Variants in MTG2 observed in about 807,000 individuals in gnomAD.
MTG2 encodes the protein mitochondrial ribosome-associated GTPase 2.
In MTG2, 23 loss-of-function variants were observed where a neutral mutation model predicts 28.6. The ratio of observed to expected loss-of-function variants is 0.80; its 90% CI spans 0.58 to 1.14. The LOEUF (loss-of-function observed/expected upper bound fraction) is 1.14, where lower values mean the gene tolerates loss of function less well. Ranked by LOEUF, MTG2 falls within the 50% of genes most tolerant of loss-of-function variation. MTG2 has a pLI of 0.00. For synonymous variants in MTG2, 260 were observed against 251.8 expected, an observed-to-expected ratio of 1.03 and a Z score of -0.31; for missense variants, 539 against 552.0, an observed-to-expected ratio of 0.98 and a Z score of 0.24.
intron 1 of MTG2, among the ~76,000 whole-genome samples, chr20:62,189,390 G>C (rs578143592): frequency 6.6e-6 from 1 of 151,958 alleles, no homozygotes; most frequent in Middle Eastern, 3.2e-3. Context: ...GCTCATAGCA[G>C]CTTTGAATTC....
At chr20:62,193,354 A>T in intron 1 of MTG2, 62 bp from the exon 2 acceptor site, 1 of 1,507,658 alleles carries the variant, frequency 6.6e-7, no homozygotes, top group East Asian at 2.3e-5. Context: ...CCTCGTCTTC[A>T]GTTTCTGTTT....
intron 1 of MTG2, among the ~76,000 whole-genome samples, chr20:62,185,831 G>T (rs1222689320): frequency 6.6e-6 from 1 of 152,184 alleles, no homozygotes; most frequent in Non-Finnish European, 1.5e-5. Flanking sequence ...GGACAGCCTT[G>T]TTGGAAGGAA....
At chr20:62,188,122 C>G (rs1271035321) in intron 1 of MTG2, among the ~76,000 whole-genome samples, 1 of 117,752 alleles carries the variant, frequency 8.5e-6, no homozygotes, top group Non-Finnish European at 1.8e-5. Context: ...CAGTGCGAGA[C>G]TGTCTCAAAA....
At chr20:62,197,697 T>C (rs115118032) in intron 3 of MTG2, 155 bp from the exon 4 acceptor site, 2 of 607,390 alleles carry the variant, frequency 3.3e-6, no homozygotes, top group Non-Finnish European at 5.8e-6. Flanking sequence ...ATTTCATTTT[T>C]AAAAAATCAC....
intron 2 of MTG2, among the ~76,000 whole-genome samples, 165 bp from the exon 3 acceptor site, chr20:62,195,637 G>A (rs941301064): frequency 2.0e-5 from 3 of 152,186 alleles, no homozygotes; most frequent in Non-Finnish European, 4.4e-5. Context: ...TGTGGAGACT[G>A]TTTTTTATCT....
At chr20:62,197,577 G>A (rs1398201987) in intron 3 of MTG2, 1 of 359,702 alleles carries the variant, frequency 2.8e-6, no homozygotes, top group Non-Finnish European at 5.3e-6. Context: ...TAGACGCATA[G>A]CGAGCTGGGA....
Position 62,195,856 on chromosome 20 carries a change from G to A in MTG2, c.259G>A (p.Ala87Thr), listed in dbSNP as rs751609653. 15 of 1,614,200 alleles carry A rather than the reference G, an allele frequency of 9.3e-6. No homozygotes were observed. The highest frequency in any genetic ancestry group is 1.7e-5 in the Admixed American group (1 of 60,020). Residue 87 changes from alanine to threonine, a missense_variant, in exon 3 of 7, where the codon GCT becomes ACT. Transcript: ENST00000370823. The stretch of plus-strand genomic sequence containing the variant: ...GCTTGTCTGTGGAGGAAACGGAGGC[G>A]CTGGGGCAAGCTGCTTCCACAGTGA... ...RVLVCGGNGG[A>T]GASCFHSEPR...
At chr20:62,187,303 T>C (rs1235441319) in intron 1 of MTG2, among the ~76,000 whole-genome samples, 2 of 152,248 alleles carry the variant, frequency 1.3e-5, no homozygotes, top group East Asian at 3.8e-4. Flanking sequence ...GGGTATGGTC[T>C]ATAATTTTAT....
In MTG2 at chr20:62,201,142, T is replaced by G; in HGVS notation, c.*65T>G. 6.8e-7 allele frequency: 1 copy of G among 1,479,046 alleles called. No individual in the cohort carries two copies. The highest frequency in any genetic ancestry group is 2.3e-5 in the East Asian group (1 of 43,000). The allele number at this position is 1,479,046 out of a possible 1,614,324, so 91.6% of individuals were successfully genotyped here. A position where few individuals can be genotyped will look rare whatever the true frequency, so the allele number is the denominator to read the frequency against. On this transcript the variant is annotated 3_prime_UTR_variant, in exon 7 of 7. Coordinates refer to ENST00000370823, the MANE Select transcript of MTG2 (RefSeq NM_015666.4). ...CAAACCTGGGTGTGAATTCGGTGGT[T>G]TTGAATGCATAAAGTGCCTTGTGGA...
chr20:62,186,323 C>T (rs771949955), intron 1 of MTG2, among the ~76,000 whole-genome samples: 13 of 152,088 alleles, frequency 8.5e-5, no homozygotes, highest in Non-Finnish European at 1.5e-4. Flanking sequence ...CAGTATTTTG[C>T]AAGTAGTGAG....
chr20:62,193,592 C>A lies in MTG2; in HGVS notation c.172C>A (p.Pro58Thr). Residue 58 changes from proline to threonine, a missense_variant, in exon 2 of 7, where the codon CCG (proline) becomes ACG (threonine). Transcript: ENST00000370823. ...RADLAKHQEL[P>T]GKKLLSEKKL... ...GGACCTCGCCAAGCATCAGGAACTCCCGGGGAAGAAGCTGCTCTCTGAGAA... is the reference window on the plus strand; with the variant it reads ...GGACCTCGCCAAGCATCAGGAACTCACGGGGAAGAAGCTGCTCTCTGAGAA... 6.2e-7 allele frequency: 1 copy of A among 1,613,080 alleles called. No homozygotes were observed. The highest frequency in any genetic ancestry group is 2.2e-5 in the East Asian group (1 of 44,884).
chr20:62,200,650 T>C, intron 6 of MTG2, 33 bp from the exon 7 acceptor site: 1 of 1,555,352 alleles, frequency 6.4e-7, no homozygotes, highest in Non-Finnish European at 8.7e-7. Flanking sequence ...GTGTGCCAAG[T>C]GGTCACCTCG....
intron 1 of MTG2, among the ~76,000 whole-genome samples, chr20:62,189,722 A>G (rs1006661918): frequency 1.7e-4 from 25 of 147,306 alleles, no homozygotes; most frequent in Admixed American, 7.6e-4. Context: ...CTGGAGTGCA[A>G]TGATGCAATC....
intron 1 of MTG2, among the ~76,000 whole-genome samples, chr20:62,189,627 C>A (rs928861930): frequency 8.6e-5 from 13 of 151,182 alleles, no homozygotes; most frequent in Non-Finnish European, 1.5e-4. Flanking sequence ...TCCACTTTGT[C>A]AACCTCTGCC....
chr20:62,186,528 GTTTTT>G (rs56818308), intron 1 of MTG2, among the ~76,000 whole-genome samples: 9 of 127,046 alleles, frequency 7.1e-5, no homozygotes, highest in Non-Finnish European at 1.3e-4. Flanking sequence ...TTTTTTTTTT[GTTTTT>G]TTTTTTTTTT....
Position 62,201,106 on chromosome 20 carries a change from CTCTG to C in MTG2, c.*34_*37del, listed in dbSNP as rs766129154. The C allele has an allele frequency of 1.9e-4, 294 of 1,548,924 alleles. No individual in the cohort carries two copies. The highest frequency in any genetic ancestry group is 2.2e-4 in the Non-Finnish European group (258 of 1,153,284). The stretch of plus-strand genomic sequence containing the variant: ...CGCCAGAGCGGGGTCGCCTCTGGGC[CTCTG>C]TCTGAGCAAACCTGGGTGTGAATTC... On this transcript the variant is annotated 3_prime_UTR_variant, in exon 7 of 7. Transcript: ENST00000370823.
At position 62,200,777 on chromosome 20, in the gene MTG2, G is replaced by C; in HGVS notation, c.921G>C (p.Leu307Phe). The change falls in exon 7 of 7, where the codon TTG (leucine) becomes TTC (phenylalanine). Residue 307 changes from leucine to phenylalanine, a missense_variant. Transcript: ENST00000370823. ...ACATCGAGCGCTGCCGCTTTCTCTT[G>C]TTCGTGGTGGATCTTTCTCAGCCTG... is the stretch of plus-strand genomic sequence containing the variant. Reference protein sequence around the residue: ...LRHIERCRFLLFVVDLSQPEP... With the variant: ...LRHIERCRFLFFVVDLSQPEP... The C allele has an allele frequency of 6.2e-7, 1 of 1,613,868 alleles. No homozygotes were observed. The highest frequency in any genetic ancestry group is 8.5e-7 in the Non-Finnish European group (1 of 1,180,052).
chr20:62,197,782 C>T, intron 3 of MTG2, 70 bp from the exon 4 acceptor site: 1 of 1,359,490 alleles, frequency 7.4e-7, no homozygotes, highest in Non-Finnish European at 1.1e-6. Flanking sequence ...TTAAACTGGA[C>T]CCAGACACAT....
intron 2 of MTG2, 136 bp downstream of exon 2, chr20:62,193,760 T>G: frequency 1.2e-6 from 1 of 856,358 alleles, no homozygotes; most frequent in Non-Finnish European, 1.8e-6. Flanking sequence ...TGGAGCTTCT[T>G]GAAAATGACA....
Sources: allele counts gnomAD v4.1 joint callset (sites outside exome capture counted in the v4.1 genomes callset), GRCh38; gene constraint gnomAD v4.1.1; transcripts MANE v1.5; gene names NCBI Gene and HGNC (gene_info 2026-07-23, HGNC 2026-07-21).